STXBP5L: variants seen among roughly 807,000 people sequenced by gnomAD.
STXBP5L encodes syntaxin binding protein 5L, also known as syntaxin-binding protein 5-like.
Under a neutral mutation model 144.5 loss-of-function variants are expected in STXBP5L, and 65 were observed. The observed-to-expected ratio is 0.45, with a 90% CI of 0.37 to 0.55. STXBP5L has a LOEUF of 0.55. Ranked by LOEUF, STXBP5L falls within the 20% of genes least tolerant of loss-of-function variation. The probability of loss-of-function intolerance (pLI) is 0.00; values close to 1 mark genes in which losing one functional copy is unlikely to be tolerated. For missense variants in STXBP5L, 1,298 were observed against 1,405.5 expected, an observed-to-expected ratio of 0.92 and a Z score of 1.22; for synonymous variants, 505 against 469.6, an observed-to-expected ratio of 1.08 and a Z score of -0.97.
chr3:121,186,282 C>A (rs549288753), intron 9 of STXBP5L, among the ~76,000 whole-genome samples: 3 of 152,310 alleles, frequency 2.0e-5, no homozygotes, highest in African/African-American at 7.2e-5. Flanking sequence ...AATGAATACA[C>A]TTTATTTCCT....
chr3:121,260,255 T>C (rs1363255730), intron 18 of STXBP5L, among the ~76,000 whole-genome samples: 1 of 152,132 alleles, frequency 6.6e-6, no homozygotes, highest in Non-Finnish European at 1.5e-5. Context: ...TGTCCATTTG[T>C]CTGTAAAGTT....
At chr3:121,274,703 C>G (rs1026055711) in intron 18 of STXBP5L, among the ~76,000 whole-genome samples, 1 of 152,126 alleles carries the variant, frequency 6.6e-6, no homozygotes, top group African/African-American at 2.4e-5. Context: ...GCATTGACAC[C>G]AATGTCTGAG....
chr3:120,963,775 T>C (rs182048868), intron 3 of STXBP5L, among the ~76,000 whole-genome samples: 143 of 152,326 alleles, frequency 9.4e-4, no homozygotes, highest in African/African-American at 3.3e-3. Context: ...ATCGGGATAA[T>C]ATTGGCCTCA....
chr3:121,292,139 A>G (rs1489230464), intron 19 of STXBP5L, among the ~76,000 whole-genome samples: 1 of 152,220 alleles, frequency 6.6e-6, no homozygotes, highest in Non-Finnish European at 1.5e-5. Context: ...AAATTTTCAC[A>G]AACTATGCAT....
At chr3:121,154,105 TAA>T (rs981747304) in intron 8 of STXBP5L, among the ~76,000 whole-genome samples, 1 of 151,742 alleles carries the variant, frequency 6.6e-6, no homozygotes, top group Non-Finnish European at 1.5e-5. Context: ...AAAAAGAGAG[TAA>T]AATTTCAGTG....
chr3:121,213,842 C>T (rs547858138), intron 10 of STXBP5L, among the ~76,000 whole-genome samples: 2 of 152,198 alleles, frequency 1.3e-5, no homozygotes, highest in East Asian at 3.9e-4. Context: ...CCATGTGGTC[C>T]TGGGCTTTTT....
chr3:121,077,730 A>T (rs1576872931), intron 5 of STXBP5L, among the ~76,000 whole-genome samples: 2 of 152,114 alleles, frequency 1.3e-5, no homozygotes, highest in East Asian at 3.9e-4. Context: ...CCTGAGCTAG[A>T]CACAAAGGTT....
chr3:121,265,885 G>A (rs2050547159), intron 18 of STXBP5L, among the ~76,000 whole-genome samples: 1 of 152,148 alleles, frequency 6.6e-6, no homozygotes, highest in Non-Finnish European at 1.5e-5. Context: ...TAGAAGAAAT[G>A]GATAAATTCC....
chr3:120,975,554 G>A (rs1382632146), intron 3 of STXBP5L, among the ~76,000 whole-genome samples: 8 of 151,952 alleles, frequency 5.3e-5, no homozygotes, highest in Admixed American at 3.3e-4. Context: ...CTGCCTGATT[G>A]CCCTGGCCAG....
At chr3:121,283,394 C>T (rs2051125162) in intron 19 of STXBP5L, among the ~76,000 whole-genome samples, 1 of 152,002 alleles carries the variant, frequency 6.6e-6, no homozygotes, top group African/African-American at 2.4e-5. Context: ...TAGTTTTCTA[C>T]TCTAGCAGAG....
chr3:121,216,396 C>T (rs1005902188), intron 10 of STXBP5L, among the ~76,000 whole-genome samples: 2 of 152,154 alleles, frequency 1.3e-5, no homozygotes, highest in Non-Finnish European at 2.9e-5. Context: ...GATGTTGATG[C>T]TATTCCTTTC....
rs183723532 is a variant in STXBP5L at position 120,982,731 on chromosome 3, A to G, written c.287+27694A>G. Reference sequence around the variant, plus strand: ...TTTTTGGCATGTGCAAGTGCATGCCAGCTGTGATGTTGTCAGCTGGTTGGG... The same window carrying G: ...TTTTTGGCATGTGCAAGTGCATGCCGGCTGTGATGTTGTCAGCTGGTTGGG... On this transcript the variant is annotated intron_variant, in intron 3 of 26. Transcript: ENST00000471454. Among the ~76,000 whole-genome samples, 350 of 152,320 alleles carry G rather than the reference A, an allele frequency of 2.3e-3. 1 individual carries two copies. The highest frequency in any genetic ancestry group is 7.4e-3 in the African/African-American group (307 of 41,574).
intron 20 of STXBP5L, among the ~76,000 whole-genome samples, chr3:121,333,315 C>T (rs1440249286): frequency 1.3e-5 from 2 of 152,092 alleles, no homozygotes; most frequent in Admixed American, 1.3e-4. Context: ...TCAAGAAGTT[C>T]TTTGAAACAA....
At chr3:121,221,875 A>G (rs533885791) in intron 10 of STXBP5L, among the ~76,000 whole-genome samples, 1 of 147,214 alleles carries the variant, frequency 6.8e-6, no homozygotes, top group Non-Finnish European at 1.5e-5. Flanking sequence ...AAGCTTTGTT[A>G]AAAAAAAAAC....
intron 5 of STXBP5L, among the ~76,000 whole-genome samples, chr3:121,105,977 C>G (rs771188025): frequency 6.6e-6 from 1 of 151,958 alleles, no homozygotes; most frequent in Non-Finnish European, 1.5e-5. Context: ...AGAATATAAA[C>G]AAATTCAAAG....
At chr3:121,349,981 G>A (rs1384248297) in intron 20 of STXBP5L, among the ~76,000 whole-genome samples, 1 of 152,102 alleles carries the variant, frequency 6.6e-6, no homozygotes, top group Non-Finnish European at 1.5e-5. Context: ...ATTGTTATGT[G>A]TGAATTTGAT....
Position 121,184,370 on chromosome 3 carries a change from A to G in STXBP5L, c.878-21553A>G, listed in dbSNP as rs191860549. 2.4e-3 allele frequency among the ~76,000 whole-genome samples: 363 copies of G among 151,920 alleles called. 4 individuals are homozygous for G. The highest frequency in any genetic ancestry group is 6.6e-3 in the African/African-American group (275 of 41,452). ...ATAACCAGTTTAGAGAAGAACATAC[A>G]TGGCCTGATGGAGCTGAAAAACACA... On this transcript the variant is annotated intron_variant, in intron 9 of 26. Transcript: ENST00000471454.
At chr3:121,276,479 C>T (rs1269951355) in intron 18 of STXBP5L, among the ~76,000 whole-genome samples, 10 of 151,742 alleles carry the variant, frequency 6.6e-5, no homozygotes, top group Non-Finnish European at 1.5e-4. Flanking sequence ...TCCATATTTC[C>T]ATCTGGAATC....
At chr3:121,411,602 A>G (rs2047116083) in intron 23 of STXBP5L, among the ~76,000 whole-genome samples, 2 of 152,136 alleles carry the variant, frequency 1.3e-5, no homozygotes, top group South Asian at 4.1e-4. Context: ...GCATATAGCC[A>G]TGGGGTAAGA....
Sources: allele counts gnomAD v4.1 joint callset (sites outside exome capture counted in the v4.1 genomes callset), GRCh38; gene constraint gnomAD v4.1.1; transcripts MANE v1.5; gene names NCBI Gene and HGNC (gene_info 2026-07-23, HGNC 2026-07-21).